The following CDH1 variants were observed in gnomAD, a reference collection of about 807,000 sequenced individuals.
CDH1 encodes the protein cadherin-1.
A neutral mutation model predicts 84.5 loss-of-function variants in CDH1; 35 were observed. That is an observed-to-expected ratio of 0.41 (90% CI 0.32 to 0.55). The LOEUF is 0.55. Ranked by LOEUF, CDH1 falls within the 20% of genes least tolerant of loss-of-function variation. The probability of loss-of-function intolerance (pLI) is 0.19; values close to 1 mark genes in which losing one functional copy is unlikely to be tolerated. For synonymous variants in CDH1, 417 were observed against 439.0 expected, an observed-to-expected ratio of 0.95 and a Z score of 0.63; for missense variants, 994 against 1,126.6, an observed-to-expected ratio of 0.88 and a Z score of 1.68.
intron 15 of CDH1, among the ~76,000 whole-genome samples, chr16:68,831,511 C>T (rs1961483872): frequency 6.6e-6 from 1 of 151,004 alleles, no homozygotes; most frequent in Admixed American, 6.6e-5. Flanking sequence ...ACCAGTTTAA[C>T]CATGCCTTTT....
At chr16:68,738,246 G>A (rs1361852261) in intron 1 of CDH1, 51 bp from the exon 2 acceptor site, 1 of 1,251,336 alleles carries the variant, frequency 8.0e-7, no homozygotes, top group Non-Finnish European at 1.1e-6. Flanking sequence ...TCGGTGAGCA[G>A]GAGGGAACCC....
chr16:68,773,295 T>C (rs1959634864), intron 2 of CDH1, among the ~76,000 whole-genome samples: 1 of 131,402 alleles, frequency 7.6e-6, no homozygotes, highest in Admixed American at 7.4e-5. Flanking sequence ...GTTATTTTCC[T>C]TTTTTTTTTT....
chr16:68,826,024 TGCCCAG>T (rs1431840442), intron 13 of CDH1, among the ~76,000 whole-genome samples: 1 of 152,028 alleles, frequency 6.6e-6, no homozygotes, highest in Non-Finnish European at 1.5e-5. Context: ...TTCCTTATGT[TGCCCAG>T]GCTGGTCTCA....
At chr16:68,831,654 C>G (rs1278386190) in intron 15 of CDH1, among the ~76,000 whole-genome samples, 1 of 151,968 alleles carries the variant, frequency 6.6e-6, no homozygotes, top group East Asian at 1.9e-4. Context: ...ATTCTCCTGC[C>G]TCAGCCTCCC....
At chr16:68,827,706 A>G (rs1416188512) in intron 13 of CDH1, among the ~76,000 whole-genome samples, 1 of 152,040 alleles carries the variant, frequency 6.6e-6, no homozygotes, top group Non-Finnish European at 1.5e-5. Context: ...ATCAAAGCCA[A>G]AGTCCTCACA....
chr16:68,765,664 T>C (rs1317441810), intron 2 of CDH1: 3 of 149,544 alleles, frequency 2.0e-5, no homozygotes, highest in Non-Finnish European at 4.4e-5. Context: ...CTTTGCTTGT[T>C]TGCCTCAAGA....
At chr16:68,828,374 G>A (rs1451533714) in intron 14 of CDH1, 70 bp downstream of exon 14, 1 of 1,537,694 alleles carries the variant, frequency 6.5e-7, no homozygotes, top group African/African-American at 1.4e-5. Flanking sequence ...TTAGTAAGAG[G>A]TAGGCATTTG....
intron 2 of CDH1, among the ~76,000 whole-genome samples, chr16:68,782,048 G>A (rs1959896736): frequency 6.6e-6 from 1 of 152,182 alleles, no homozygotes; most frequent in Admixed American, 6.5e-5. Context: ...GGTTGGTGTG[G>A]GCAGCTGCTG....
At chr16:68,787,798 A>G (rs2152123125) in intron 2 of CDH1, among the ~76,000 whole-genome samples, 1 of 147,148 alleles carries the variant, frequency 6.8e-6, no homozygotes. Context: ...AGCTGGGATT[A>G]TAGACACCCA....
In CDH1 at chr16:68,748,889, G is replaced by T. The variant is rs781074273; in HGVS notation, c.163+10478G>T. Among the ~76,000 whole-genome samples, 91 of 152,336 alleles carry T rather than the reference G, an allele frequency of 6.0e-4. No individual in the cohort carries two copies. In the Middle Eastern group the frequency reaches 0.01, roughly 17 times the overall value. On this transcript the variant is annotated intron_variant, in intron 2 of 15. Coordinates refer to ENST00000261769, the MANE Select transcript of CDH1 (RefSeq NM_004360.5). ...AGTCTCGCTCTTGTCGCCCAGGCTG[G>T]AGTGCAATGGTGCAATTTTGGCTCA...
chr16:68,830,971 T>C (rs1490519032), intron 15 of CDH1, among the ~76,000 whole-genome samples: 1 of 151,974 alleles, frequency 6.6e-6, no homozygotes, highest in African/African-American at 2.4e-5. Context: ...TGTTCTCTAG[T>C]AACTTGCTTG....
chr16:68,778,895 T>C (rs1354442863), intron 2 of CDH1, among the ~76,000 whole-genome samples: 1 of 152,140 alleles, frequency 6.6e-6, no homozygotes, highest in Non-Finnish European at 1.5e-5. Flanking sequence ...GTTTTTCTCT[T>C]CCTGGCTCCC....
At chr16:68,818,974 C>G (rs1236388000) in intron 10 of CDH1, among the ~76,000 whole-genome samples, 1 of 152,002 alleles carries the variant, frequency 6.6e-6, no homozygotes, top group African/African-American at 2.4e-5. Flanking sequence ...TCCTGCCTCA[C>G]CCTCCCCAGT....
intron 2 of CDH1, among the ~76,000 whole-genome samples, chr16:68,780,678 G>A (rs1002686533): frequency 1.3e-5 from 2 of 152,146 alleles, no homozygotes; most frequent in African/African-American, 2.4e-5. Flanking sequence ...GGAGAACAGT[G>A]CTGATGAATC....
intron 2 of CDH1, among the ~76,000 whole-genome samples, chr16:68,738,964 T>TTTTTTTTTTTA (rs555202424): frequency 0.054 from 3,502 of 65,360 alleles, 1,277 homozygotes; most frequent in Non-Finnish European, 0.066. Context: ...TTTTTTTTTT[T>TTTTTTTTTTTA]AAAGACAGGG....
chr16:68,746,312 C>A (rs1962742898), intron 2 of CDH1, among the ~76,000 whole-genome samples: 9 of 152,126 alleles, frequency 5.9e-5, no homozygotes, highest in Admixed American at 5.9e-4. Flanking sequence ...GTAATCCCTG[C>A]TACTTGGGAG....
rs544566606 is a variant in CDH1, at chr16:68,776,187, A to G, written c.164-25483A>G. ...TTTTTAGTAGAGATGGGGTTTTACCATCTTGACCAGGCTGGTCTCAAACTC... is the reference window on the plus strand; with the variant it reads ...TTTTTAGTAGAGATGGGGTTTTACCGTCTTGACCAGGCTGGTCTCAAACTC... On this transcript the variant is annotated intron_variant, in intron 2 of 15. Coordinates refer to ENST00000261769, the MANE Select transcript of CDH1 (RefSeq NM_004360.5). Among the ~76,000 whole-genome samples, 4 of 152,282 alleles carry G rather than the reference A, an allele frequency of 2.6e-5. No homozygotes were observed. In the South Asian group the frequency reaches 8.3e-4, roughly 32 times the overall value.
intron 2 of CDH1, among the ~76,000 whole-genome samples, chr16:68,739,262 T>C (rs1215816485): frequency 6.6e-6 from 1 of 151,714 alleles, no homozygotes; most frequent in East Asian, 1.9e-4. Context: ...AATAAAAATA[T>C]AAAAATTAGC....
chr16:68,829,511 G>A, intron 14 of CDH1, 143 bp from the exon 15 acceptor site: 1 of 871,014 alleles, frequency 1.1e-6, no homozygotes, highest in Non-Finnish European at 1.8e-6. Context: ...CTTGAAAACT[G>A]TCATTTTGCA....
Sources: gnomAD v4.1 joint callset for allele counts (sites outside exome capture counted in the v4.1 genomes callset) on GRCh38, gnomAD v4.1.1 for gene constraint, MANE v1.5 for transcripts, NCBI Gene and HGNC (gene_info 2026-07-23, HGNC 2026-07-21) for gene names.